The following PIK3C2B variants were observed in gnomAD, a reference collection of about 807,000 sequenced individuals.
The protein encoded by PIK3C2B is phosphatidylinositol 4-phosphate 3-kinase C2 domain-containing subunit beta.
In PIK3C2B, 83 loss-of-function variants were observed where a neutral mutation model predicts 184.3. The observed-to-expected ratio is 0.45, with a 90% CI of 0.38 to 0.54. The LOEUF is 0.54. Ranked by LOEUF, PIK3C2B falls within the 20% of genes least tolerant of loss-of-function variation. The pLI is 0.00. For missense variants in PIK3C2B, 1,736 were observed against 2,113.5 expected, an observed-to-expected ratio of 0.82 and a Z score of 3.50; for synonymous variants, 779 against 837.6, an observed-to-expected ratio of 0.93 and a Z score of 1.21.
At chr1:204,458,023 T>G (rs991169074) in intron 8 of PIK3C2B, 149 bp from the exon 9 acceptor site, 1 of 674,708 alleles carries the variant, frequency 1.5e-6, no homozygotes, top group Non-Finnish European at 2.5e-6. Context: ...CATTTTATTT[T>G]CAAATATTCA....
chr1:204,477,289 T>C (rs1406326857), intron 1 of PIK3C2B, among the ~76,000 whole-genome samples: 1 of 152,162 alleles, frequency 6.6e-6, no homozygotes, highest in East Asian at 1.9e-4. Flanking sequence ...CAGTAGCCCC[T>C]AAAGTGATTC....
chr1:204,488,173 A>G (rs1657759727), intron 1 of PIK3C2B, among the ~76,000 whole-genome samples: 1 of 152,224 alleles, frequency 6.6e-6, no homozygotes, highest in Non-Finnish European at 1.5e-5. Flanking sequence ...AACCCAAGTA[A>G]TCTGGCTCCA....
intron 1 of PIK3C2B, chr1:204,490,217 G>A (rs1657917544): frequency 3.0e-6 from 1 of 333,164 alleles, no homozygotes; most frequent in Non-Finnish European, 5.4e-6. Flanking sequence ...AGAGGAAGGA[G>A]TGAATTGCTA....
chr1:204,465,644 G>A (rs931070129), intron 2 of PIK3C2B, among the ~76,000 whole-genome samples: 6 of 108,398 alleles, frequency 5.5e-5, no homozygotes, highest in East Asian at 1.0e-3. Context: ...CCTGCAACAC[G>A]GGCTTTCCGG....
chr1:204,431,585 C>T (rs1675058693), intron 28 of PIK3C2B, 84 bp downstream of exon 28: 2 of 1,536,784 alleles, frequency 1.3e-6, no homozygotes, highest in Non-Finnish European at 9.0e-7. Context: ...TATTTTCTGC[C>T]CCTGCAGCCC....
chr1:204,439,182 T>G (rs1388669999), intron 22 of PIK3C2B, 111 bp from the exon 23 acceptor site: 6 of 1,037,302 alleles, frequency 5.8e-6, no homozygotes, highest in Non-Finnish European at 8.4e-6. Flanking sequence ...TGTAAGGCAT[T>G]TGGACTAAGT....
rs141114898 is a variant in PIK3C2B at position 204,441,485 on chromosome 1, G to A, written c.3235C>T (p.Arg1079Cys). 15 of 1,609,154 alleles carry A rather than the reference G, an allele frequency of 9.3e-6. No homozygotes were observed. Among genetic ancestry groups the A allele is most frequent in the East Asian group, 2.2e-5 (1 of 44,862 alleles). ...QNVDPLGENI[R>C]VIFKCGDDLR... ...AGTATTCTCACCTTGAAGATGACACGGATGTTCTCACCCAGGGGATCCACA... is the reference window on the plus strand; with the variant it reads ...AGTATTCTCACCTTGAAGATGACACAGATGTTCTCACCCAGGGGATCCACA... Residue 1079 changes from arginine (R) to cysteine (C), a missense_variant, in exon 21 of 33, where the codon CGT becomes TGT. Arg to Cys is a radical substitution (Grantham distance 180, BLOSUM62 -3). Transcript: ENST00000684373.
chr1:204,461,952 C>T (rs2103505950), intron 5 of PIK3C2B, among the ~76,000 whole-genome samples: 1 of 152,266 alleles, frequency 6.6e-6, no homozygotes, highest in Middle Eastern at 3.4e-3. Context: ...ATTTCTGGAA[C>T]CCCCGGAGCG....
intron 1 of PIK3C2B, among the ~76,000 whole-genome samples, chr1:204,470,251 T>C (rs1656196658): frequency 6.7e-6 from 1 of 148,264 alleles, no homozygotes; most frequent in Non-Finnish European, 1.5e-5. Flanking sequence ...CACTGCAACC[T>C]CCACCTCCCA....
At position 204,439,040 on chromosome 1, in the gene PIK3C2B, G is replaced by A; in HGVS notation, c.3411C>T (p.Thr1137=). The change falls in exon 23 of 33, where the codon ACC becomes ACT. Residue 1137 remains threonine (T), a synonymous_variant. Transcript: ENST00000684373. ...GMVEMIPNAE[T]LRKIQVEHGV... is the part of the protein sequence containing the mutation. Reference sequence around the variant, plus strand: ...CATGCTCCACCTGGATCTTACGCAGGGTCTCAGCATTAGGGATCATCTCCA... The same window carrying A: ...CATGCTCCACCTGGATCTTACGCAGAGTCTCAGCATTAGGGATCATCTCCA... 6.2e-7 allele frequency: 1 copy of A among 1,613,964 alleles called. No individual in the cohort carries two copies. Among genetic ancestry groups the A allele is most frequent in the Non-Finnish European group, 8.5e-7 (1 of 1,179,978 alleles).
chr1:204,450,859 G>C (rs997989125), intron 12 of PIK3C2B, among the ~76,000 whole-genome samples: 4 of 152,168 alleles, frequency 2.6e-5, no homozygotes, highest in African/African-American at 4.8e-5. Context: ...GTTACCTTTC[G>C]GGGAAGCTGT....
intron 12 of PIK3C2B, among the ~76,000 whole-genome samples, chr1:204,451,835 A>G (rs1654385903): frequency 6.6e-6 from 1 of 152,186 alleles, no homozygotes; most frequent in Admixed American, 6.5e-5. Context: ...AACCAAAACC[A>G]AGAGGGCTCC....
Position 204,473,706 on chromosome 1 carries a change from C to T in PIK3C2B, c.-84-3820G>A, listed in dbSNP as rs1315450650. Among the ~76,000 whole-genome samples, 6 of 152,352 alleles carry T rather than the reference C, an allele frequency of 3.9e-5. No homozygotes were observed. The South Asian group carries it at 6.2e-4, about 16-fold the overall frequency. ...CATTGGAAATAATCTTTTTCAACTT[C>T]AAGCCTCTCTTCCAACACCCACTTA... is the stretch of plus-strand genomic sequence containing the variant. On this transcript the variant is annotated intron_variant, in intron 1 of 32. Transcript: ENST00000684373.
At chr1:204,434,105 T>C (rs573912989) in intron 24 of PIK3C2B, among the ~76,000 whole-genome samples, 156 bp from the exon 25 acceptor site, 1 of 152,346 alleles carries the variant, frequency 6.6e-6, no homozygotes, top group South Asian at 2.1e-4. Flanking sequence ...CCTACCTTAA[T>C]CTTAAAAGAT....
intron 28 of PIK3C2B, 59 bp downstream of exon 28, chr1:204,431,610 C>A (rs1675061260): frequency 1.2e-6 from 2 of 1,605,788 alleles, no homozygotes; most frequent in African/African-American, 2.7e-5. Context: ...CACCTCCCAT[C>A]CCGTATCCTT....
At position 204,455,358 on chromosome 1, in the gene PIK3C2B, T is replaced by C. The variant is rs1572343123; in HGVS notation, c.1943+498A>G. On this transcript the variant is annotated intron_variant, in intron 11 of 32. Coordinates refer to ENST00000684373, the MANE Select transcript of PIK3C2B (RefSeq NM_001377334.1). ...GGAAAGGGGACCGGCAGGGGCGGGGTAGGGCCCAGTGCCTATTCCCTCAGG... is the reference window on the plus strand; with the variant it reads ...GGAAAGGGGACCGGCAGGGGCGGGGCAGGGCCCAGTGCCTATTCCCTCAGG... Among the ~76,000 whole-genome samples the C allele has an allele frequency of 2.0e-5, 3 of 151,442 alleles. No homozygotes were observed. The South Asian group carries it at 6.3e-4, about 32-fold the overall frequency.
rs755067365 is a variant in PIK3C2B, at chr1:204,457,081, AAAG to A, written c.1714-14_1714-12del. The stretch of plus-strand genomic sequence containing the variant: ...CAAGACACTGGGATCCTGTTGGGAA[AAAG>A]AAGAGGGAGGGGAGCTTCAGGGCCA... On this transcript the variant is annotated splice_polypyrimidine_tract_variant and intron_variant, in intron 9 of 32. Coordinates refer to ENST00000684373, the MANE Select transcript of PIK3C2B (RefSeq NM_001377334.1). 1.3e-5 allele frequency: 20 copies of A among 1,560,866 alleles called. No homozygotes were observed. The highest frequency in any genetic ancestry group is 1.7e-5 in the Non-Finnish European group (20 of 1,151,132).
intron 15 of PIK3C2B, among the ~76,000 whole-genome samples, chr1:204,446,896 C>T (rs1653922059): frequency 6.6e-6 from 1 of 152,120 alleles, no homozygotes; most frequent in East Asian, 1.9e-4. Context: ...GGAACCAGGT[C>T]CCTCCAGCTC....
chr1:204,469,774 T>G lies in PIK3C2B; in HGVS notation c.29A>C (p.His10Pro). Residue 10 changes from histidine (H) to proline (P), a missense_variant, in exon 2 of 33, where the codon CAC becomes CCC. Transcript: ENST00000684373. ...GCCCACTGACTCCAGGGACTTCCAG[T>G]GTTCCCCATTGCCCTGAGTCGAAGA... MSSTQGNGE[H>P]WKSLESVGIS... The G allele has an allele frequency of 1.2e-6, 2 of 1,613,846 alleles. No homozygotes were observed. The highest frequency in any genetic ancestry group is 1.7e-6 in the Non-Finnish European group (2 of 1,179,798).
Sources: allele counts gnomAD v4.1 joint callset (sites outside exome capture counted in the v4.1 genomes callset), GRCh38; gene constraint gnomAD v4.1.1; transcripts MANE v1.5; gene names NCBI Gene and HGNC (gene_info 2026-07-23, HGNC 2026-07-21).